The following NPAS3 variants were observed in gnomAD, a reference collection of about 807,000 sequenced individuals.
NPAS3 encodes neuronal PAS domain protein 3.
NPAS3 carries 14 observed loss-of-function variants against 73.1 expected under a neutral mutation model. That is an observed-to-expected ratio of 0.19 (90% confidence interval 0.13 to 0.30). NPAS3 has a LOEUF of 0.30. NPAS3 is among the 10% of genes least tolerant of loss of function. The pLI is 1.00. For synonymous variants in NPAS3, 620 were observed against 541.5 expected (o/e 1.14, Z -2.01); for missense variants, 1,096 against 1,250.0 (o/e 0.88, Z 1.86).
At chr14:33,761,870 C>T (rs1488847936) in intron 7 of NPAS3, among the ~76,000 whole-genome samples, 1 of 152,168 alleles carries the variant, frequency 6.6e-6, no homozygotes, top group African/African-American at 2.4e-5. Context: ...CCATCCCCAA[C>T]TTAGGCTACA....
At chr14:33,682,588 A>G (rs189648916) in intron 6 of NPAS3, among the ~76,000 whole-genome samples, 1 of 152,192 alleles carries the variant, frequency 6.6e-6, no homozygotes, top group East Asian at 1.9e-4. Context: ...ATGCAGTACC[A>G]TTTTTTCATG....
intron 2 of NPAS3, among the ~76,000 whole-genome samples, chr14:33,201,019 C>A (rs777774973): frequency 5.3e-5 from 8 of 152,086 alleles, no homozygotes; most frequent in Non-Finnish European, 1.2e-4. Flanking sequence ...AAAAACCAAC[C>A]AAACTATACC....
At chr14:33,677,172 G>A (rs889737394) in intron 6 of NPAS3, among the ~76,000 whole-genome samples, 4 of 152,306 alleles carry the variant, frequency 2.6e-5, no homozygotes, top group African/African-American at 9.6e-5. Flanking sequence ...TTCCGAGAGC[G>A]CTGGTAATTA....
chr14:33,580,797 C>T (rs966735596), intron 5 of NPAS3, among the ~76,000 whole-genome samples: 4 of 151,524 alleles, frequency 2.6e-5, no homozygotes, highest in Non-Finnish European at 4.4e-5. Flanking sequence ...CACCCTCCAC[C>T]GCACCCCCCT....
At chr14:33,077,736 T>A (rs903709166) in intron 2 of NPAS3, among the ~76,000 whole-genome samples, 9 of 151,400 alleles carry the variant, frequency 5.9e-5, no homozygotes, top group African/African-American at 2.2e-4. Context: ...TGTTTTAAAG[T>A]GAGTCAGTGT....
At position 33,503,579 on chromosome 14, in the gene NPAS3, CA is replaced by C. The variant is rs34184288; in HGVS notation, c.469-56532del. On this transcript the variant is annotated intron_variant, in intron 4 of 11. Transcript: ENST00000356141. ...ATATTGTGCTATTTCTTGCTTCTTTCAAAAAAAAAATGGCACGGCAATGGGG... is the reference window on the plus strand; with the variant it reads ...ATATTGTGCTATTTCTTGCTTCTTTCAAAAAAAAATGGCACGGCAATGGGG... Among the ~76,000 whole-genome samples the C allele has an allele frequency of 8.8e-5, 13 of 146,908 alleles. No individual in the cohort carries two copies. In the South Asian group the frequency reaches 1.1e-3, roughly 12 times the overall value.
At chr14:33,731,582 C>G (rs576258786) in intron 6 of NPAS3, among the ~76,000 whole-genome samples, 7 of 152,198 alleles carry the variant, frequency 4.6e-5, no homozygotes, top group African/African-American at 1.7e-4. Context: ...TCCCAGACAC[C>G]TCCTCTTTCT....
chr14:33,148,696 AT>A (rs1178904141), intron 2 of NPAS3, among the ~76,000 whole-genome samples: 2 of 152,024 alleles, frequency 1.3e-5, no homozygotes, highest in South Asian at 2.1e-4. Context: ...TTTAAAAAAA[AT>A]TTTTTTGGAG....
intron 2 of NPAS3, among the ~76,000 whole-genome samples, chr14:33,159,914 A>G (rs946655030): frequency 2.6e-5 from 4 of 152,160 alleles, no homozygotes; most frequent in Non-Finnish European, 4.4e-5. Flanking sequence ...TTTTTTACAT[A>G]TAGAATAAAG....
chr14:33,624,949 G>A (rs2058180544), intron 5 of NPAS3, among the ~76,000 whole-genome samples: 1 of 152,146 alleles, frequency 6.6e-6, no homozygotes, highest in Non-Finnish European at 1.5e-5. Flanking sequence ...GCCAGAACTT[G>A]GATAACTACC....
At chr14:33,717,115 G>T (rs938619748) in intron 6 of NPAS3, among the ~76,000 whole-genome samples, 2 of 151,742 alleles carry the variant, frequency 1.3e-5, no homozygotes, top group African/African-American at 4.8e-5. Context: ...AAGGGGTTTT[G>T]CCAGAGAAAC....
At chr14:33,135,355 G>A (rs1180079598) in intron 2 of NPAS3, among the ~76,000 whole-genome samples, 2 of 152,174 alleles carry the variant, frequency 1.3e-5, no homozygotes, top group Admixed American at 6.6e-5. Context: ...ATGTTGAAAT[G>A]TGTTTCTTCT....
At chr14:33,422,911 T>C (rs148668922) in intron 4 of NPAS3, among the ~76,000 whole-genome samples, 2 of 152,100 alleles carry the variant, frequency 1.3e-5, no homozygotes, top group East Asian at 3.9e-4. Context: ...TTGAATGAAT[T>C]TGTCTTCTTC....
chr14:33,751,090 T>C (rs904017404), intron 7 of NPAS3, among the ~76,000 whole-genome samples: 1 of 152,198 alleles, frequency 6.6e-6, no homozygotes, highest in Admixed American at 6.6e-5. Flanking sequence ...AGCTGGCATA[T>C]GTAGACAAGA....
intron 5 of NPAS3, among the ~76,000 whole-genome samples, chr14:33,669,296 T>A (rs1374089967): frequency 6.6e-6 from 1 of 152,200 alleles, no homozygotes; most frequent in Non-Finnish European, 1.5e-5. Context: ...TACTAAAAAG[T>A]TGGCCTTTTC....
At chr14:33,386,172 A>G (rs1289374610) in intron 4 of NPAS3, among the ~76,000 whole-genome samples, 2 of 151,932 alleles carry the variant, frequency 1.3e-5, no homozygotes, top group Non-Finnish European at 2.9e-5. Context: ...TGATATATTT[A>G]TTCTATCATG....
chr14:33,101,484 GA>G (rs1258331042), intron 2 of NPAS3, among the ~76,000 whole-genome samples: 2 of 152,142 alleles, frequency 1.3e-5, no homozygotes, highest in African/African-American at 4.8e-5. Flanking sequence ...TGTAGCGATT[GA>G]AAAAGTTTTT....
intron 2 of NPAS3, among the ~76,000 whole-genome samples, chr14:33,124,361 C>G (rs531892363): frequency 6.6e-6 from 1 of 151,982 alleles, no homozygotes; most frequent in Admixed American, 6.6e-5. Flanking sequence ...GGCAGAGACT[C>G]GGAAGCCGGA....
intron 2 of NPAS3, among the ~76,000 whole-genome samples, chr14:33,140,318 A>T (rs773352757): frequency 6.6e-6 from 1 of 152,216 alleles, no homozygotes; most frequent in Non-Finnish European, 1.5e-5. Flanking sequence ...GACAGAAAGT[A>T]AGGGGATAGA....
Sources: gnomAD v4.1 joint callset for allele counts (sites outside exome capture counted in the v4.1 genomes callset) on GRCh38, gnomAD v4.1.1 for gene constraint, MANE v1.5 for transcripts, NCBI Gene and HGNC (gene_info 2026-07-23, HGNC 2026-07-21) for gene names.